UPRT: variants seen among roughly 807,000 people sequenced by gnomAD.
UPRT encodes RP11-311P8.3.
In UPRT, 5 loss-of-function variants were observed where a neutral mutation model predicts 22.6. The observed-to-expected ratio is 0.22, with a 90% CI of 0.12 to 0.47. The LOEUF (loss-of-function observed/expected upper bound fraction) is 0.47. Among genes scored for constraint, UPRT ranks in the 20% least tolerant of loss-of-function variants. UPRT has a pLI of 0.99. For synonymous variants in UPRT, 77 were observed against 87.7 expected, an observed-to-expected ratio of 0.88 and a Z score of 0.68; for missense variants, 181 against 239.9, an observed-to-expected ratio of 0.75 and a Z score of 1.62.
At chrX:75,247,792 C>A (rs1329566633) in intron 4 of UPRT, among the ~76,000 whole-genome samples, 2 of 112,257 alleles carry the variant, frequency 1.8e-5, no homozygotes, top group East Asian at 5.6e-4. Context: ...GGGTCTCTGA[C>A]CCCCGAGTAG....
chrX:75,208,800 G>A (rs1022068581), intron 4 of UPRT, among the ~76,000 whole-genome samples: 1 of 111,516 alleles, frequency 9.0e-6, no homozygotes, highest in Non-Finnish European at 1.9e-5. Context: ...GAAGAAAAAT[G>A]GAGGGGTTTT....
intron 4 of UPRT, among the ~76,000 whole-genome samples, chrX:75,233,686 A>C (rs1198601857): frequency 9.0e-6 from 1 of 111,332 alleles, no homozygotes; most frequent in African/African-American, 3.3e-5. Flanking sequence ...CAGCCAAACA[A>C]ACTTCATAAG....
chrX:75,188,308 A>G (rs1054549385), intron 4 of UPRT, among the ~76,000 whole-genome samples: 1 of 111,014 alleles, frequency 9.0e-6, no homozygotes, highest in Non-Finnish European at 1.9e-5. Flanking sequence ...TGCCCCTGCT[A>G]GGGGGTGCCT....
At chrX:75,210,267 A>G (rs2082376867) in intron 4 of UPRT, among the ~76,000 whole-genome samples, 1 of 111,537 alleles carries the variant, frequency 9.0e-6, no homozygotes, top group Non-Finnish European at 1.9e-5. Context: ...GGTTGTTTGC[A>G]TGGGCCTGGG....
At chrX:75,194,113 C>T (rs1439372245) in intron 4 of UPRT, among the ~76,000 whole-genome samples, 1 of 111,745 alleles carries the variant, frequency 8.9e-6, no homozygotes, top group Non-Finnish European at 1.9e-5. Context: ...TTAGAAGTTG[C>T]TGTGCTTTGG....
intron 2 of UPRT, among the ~76,000 whole-genome samples, chrX:75,162,300 T>C (rs2082202456): frequency 9.0e-6 from 1 of 110,743 alleles, no homozygotes; most frequent in Non-Finnish European, 1.9e-5. Context: ...GCTTGCTGTT[T>C]TAAAGCTCCA....
intron 4 of UPRT, among the ~76,000 whole-genome samples, chrX:75,238,538 A>C (rs769072071): frequency 2.7e-5 from 3 of 111,923 alleles, no homozygotes; most frequent in Non-Finnish European, 5.6e-5. Flanking sequence ...AAACTTCAGT[A>C]CTCTACTGAC....
At chrX:75,287,601 A>G (rs2082687499) in intron 1 of UPRT, among the ~76,000 whole-genome samples, 1 of 111,453 alleles carries the variant, frequency 9.0e-6, no homozygotes, top group African/African-American at 3.3e-5. Context: ...ACAAGTCCAC[A>G]TTAAATTGAG....
intron 4 of UPRT, among the ~76,000 whole-genome samples, chrX:75,249,643 C>G (rs2082521140): frequency 9.0e-6 from 1 of 110,879 alleles, no homozygotes; most frequent in Non-Finnish European, 1.9e-5. Context: ...CAACATTAGA[C>G]AGATCTGTGA....
chrX:75,209,139 A>C (rs2082373929), intron 4 of UPRT, among the ~76,000 whole-genome samples: 2 of 111,284 alleles, frequency 1.8e-5, no homozygotes, highest in Non-Finnish European at 3.8e-5. Context: ...CAATTCCCAT[A>C]ATAGAGATAG....
At chrX:75,261,266 A>G (rs1325304536) in intron 4 of UPRT, among the ~76,000 whole-genome samples, 6 of 111,685 alleles carry the variant, frequency 5.4e-5, no homozygotes, top group African/African-American at 2.0e-4. Flanking sequence ...AGCAGAACTG[A>G]AAGAGATAGA....
intron 4 of UPRT, among the ~76,000 whole-genome samples, chrX:75,186,710 A>C (rs2082293649): frequency 8.9e-6 from 1 of 111,997 alleles, no homozygotes; most frequent in Admixed American, 9.4e-5. Context: ...CTGCTCCTGT[A>C]TTGGGTGCAT....
chrX:75,199,744 AT>A (rs1012750804), intron 4 of UPRT, among the ~76,000 whole-genome samples: 2 of 110,722 alleles, frequency 1.8e-5, no homozygotes, highest in Admixed American at 9.6e-5. Context: ...TTTAAAAAAA[AT>A]TTTTTTTTAT....
chrX:75,184,304 C>T (rs1158253191), intron 4 of UPRT, among the ~76,000 whole-genome samples: 10 of 111,778 alleles, frequency 8.9e-5, no homozygotes, highest in East Asian at 2.8e-4. Flanking sequence ...TGCTTGTTTT[C>T]GTCAGGTTTG....
intron 4 of UPRT, among the ~76,000 whole-genome samples, chrX:75,195,419 G>T (rs998255374): frequency 1.2e-4 from 14 of 112,015 alleles, no homozygotes; most frequent in East Asian, 5.7e-4. Flanking sequence ...GTTCCCATAG[G>T]GCTAAAGTCT....
chrX:75,243,397 G>A (rs1282940641), intron 4 of UPRT, among the ~76,000 whole-genome samples: 4 of 111,536 alleles, frequency 3.6e-5, no homozygotes, highest in Non-Finnish European at 5.7e-5. Flanking sequence ...TCTTGGATCT[G>A]TTCCATTTGG....
chrX:75,238,298 CAAA>C (rs2082476678), intron 4 of UPRT, among the ~76,000 whole-genome samples: 2 of 111,154 alleles, frequency 1.8e-5, no homozygotes, highest in Admixed American at 9.7e-5. Flanking sequence ...ATATTCCATA[CAAA>C]TAGACACCCA....
intron 4 of UPRT, among the ~76,000 whole-genome samples, chrX:75,179,496 T>C (rs2082261783): frequency 8.8e-6 from 1 of 113,519 alleles, no homozygotes. Flanking sequence ...TGCCTGCCAG[T>C]CTCGCGCCAT....
chrX:75,217,731 C>A (rs2082397351), intron 4 of UPRT, among the ~76,000 whole-genome samples: 1 of 111,756 alleles, frequency 8.9e-6, no homozygotes, highest in East Asian at 2.8e-4. Context: ...GAAATAACGC[C>A]GCATATCTGC....
Sources: allele counts gnomAD v4.1 joint callset (sites outside exome capture counted in the v4.1 genomes callset), GRCh38; gene constraint gnomAD v4.1.1; transcripts MANE v1.5; gene names NCBI Gene and HGNC (gene_info 2026-07-23, HGNC 2026-07-21).